The following NOX4 variants were observed in gnomAD, a reference collection of about 807,000 sequenced individuals.
NOX4 encodes the protein NADPH oxidase 4.
Under a neutral mutation model 87.6 loss-of-function variants are expected in NOX4, and 69 were observed. That is an observed-to-expected ratio of 0.79 (90% CI 0.65 to 0.96). The LOEUF (loss-of-function observed/expected upper bound fraction) is 0.96, where lower values mean the gene tolerates loss of function less well. Ranked by LOEUF, NOX4 falls within the 40% of genes least tolerant of loss-of-function variation. The pLI is 0.00. For synonymous variants in NOX4, 275 were observed against 238.2 expected (o/e 1.15, Z -1.42); for missense variants, 680 against 681.5 (o/e 1.00, Z 0.02).
chr11:89,474,111 G>A (rs1946065677), intron 2 of NOX4, among the ~76,000 whole-genome samples: 1 of 152,056 alleles, frequency 6.6e-6, no homozygotes, highest in African/African-American at 2.4e-5. Context: ...ATTAATTGCG[G>A]TTTTTACTTT....
At chr11:89,342,381 T>C (rs912800034) in intron 13 of NOX4, among the ~76,000 whole-genome samples, 188 bp from the exon 14 acceptor site, 1 of 152,174 alleles carries the variant, frequency 6.6e-6, no homozygotes, top group Non-Finnish European at 1.5e-5. Flanking sequence ...AAGATTAAAA[T>C]AAATACGTCT....
At chr11:89,351,189 G>A (rs1278276020) in intron 13 of NOX4, among the ~76,000 whole-genome samples, 5 of 152,194 alleles carry the variant, frequency 3.3e-5, no homozygotes, top group Admixed American at 6.5e-5. Flanking sequence ...GATTAAACCA[G>A]CCACAACACA....
intron 12 of NOX4, 144 bp downstream of exon 12, chr11:89,373,288 A>AC: frequency 1.0e-5 from 5 of 489,244 alleles, no homozygotes; most frequent in East Asian, 6.5e-5. Context: ...AAAAAAAAAA[A>AC]AAAAAAAAAA....
chr11:89,370,901 G>C (rs1166530811), intron 12 of NOX4, among the ~76,000 whole-genome samples: 1 of 151,894 alleles, frequency 6.6e-6, no homozygotes, highest in Non-Finnish European at 1.5e-5. Flanking sequence ...GATCATTTCT[G>C]GAGCTATTTT....
At chr11:89,490,686 T>C in intron 1 of NOX4, 133 bp from the exon 2 acceptor site, 1 of 735,012 alleles carries the variant, frequency 1.4e-6, no homozygotes, top group Non-Finnish European at 2.4e-6. Context: ...AGAAAGCATT[T>C]TCAATTAACC....
intron 2 of NOX4, among the ~76,000 whole-genome samples, chr11:89,486,083 G>A (rs554402668): frequency 9.2e-5 from 14 of 151,618 alleles, no homozygotes; most frequent in South Asian, 8.3e-4. Context: ...CTATCAATTC[G>A]TATGTATTTT....
intron 8 of NOX4, among the ~76,000 whole-genome samples, chr11:89,421,523 A>G (rs1943082911): frequency 6.6e-6 from 1 of 152,112 alleles, no homozygotes; most frequent in South Asian, 2.1e-4. Flanking sequence ...TGGAAATTCC[A>G]TTATTATAAA....
At chr11:89,486,452 C>T (rs151010661) in intron 2 of NOX4, among the ~76,000 whole-genome samples, 1,939 of 145,360 alleles carry the variant, frequency 0.013, 24 homozygotes, top group Admixed American at 0.021. Flanking sequence ...TGCCACCACG[C>T]CCAGCTAATA....
intron 2 of NOX4, among the ~76,000 whole-genome samples, chr11:89,474,845 G>A (rs1282476748): frequency 6.6e-6 from 1 of 151,796 alleles, no homozygotes. Flanking sequence ...GGATAAATAA[G>A]CCGTACAAAG....
chr11:89,438,869 A>ATATAT (rs1944296316), intron 6 of NOX4, among the ~76,000 whole-genome samples: 1 of 46,336 alleles, frequency 2.2e-5, no homozygotes, highest in Non-Finnish European at 3.0e-5. Flanking sequence ...TATATATTAT[A>ATATAT]TATATAATAT....
At chr11:89,422,503 A>G (rs1463315373) in intron 7 of NOX4, among the ~76,000 whole-genome samples, 1 of 152,202 alleles carries the variant, frequency 6.6e-6, no homozygotes, top group Non-Finnish European at 1.5e-5. Flanking sequence ...GGGGAGGACA[A>G]AGACACTGAA....
chr11:89,387,357 A>AC (rs1940786457), intron 11 of NOX4, among the ~76,000 whole-genome samples: 1 of 151,452 alleles, frequency 6.6e-6, no homozygotes, highest in Non-Finnish European at 1.5e-5. Context: ...GCACCTTGTG[A>AC]CCCCCATCCC....
At chr11:89,423,941 T>C (rs898996051) in intron 7 of NOX4, among the ~76,000 whole-genome samples, 1 of 151,934 alleles carries the variant, frequency 6.6e-6, no homozygotes, top group Non-Finnish European at 1.5e-5. Context: ...GTGGTGTGTG[T>C]TCGTGATCCT....
At chr11:89,422,521 A>G (rs16913226) in intron 7 of NOX4, among the ~76,000 whole-genome samples, 5,459 of 152,278 alleles carry the variant, frequency 0.036, 321 homozygotes, top group African/African-American at 0.12. Flanking sequence ...GAAAAGACAG[A>G]GAATGATAAG....
chr11:89,395,229 T>G (rs972669974), intron 11 of NOX4, among the ~76,000 whole-genome samples: 2 of 152,210 alleles, frequency 1.3e-5, no homozygotes, highest in African/African-American at 4.8e-5. Flanking sequence ...ATTGTGGTTT[T>G]GATTTGCATT....
the NOX4 span, among the ~76,000 whole-genome samples, chr11:89,564,758 T>C: frequency 6.6e-6 from 1 of 151,738 alleles, no homozygotes; most frequent in Non-Finnish European, 1.5e-5. Context: ...TTTTTTGTTT[T>C]TTTTTTAATA....
intron 7 of NOX4, among the ~76,000 whole-genome samples, chr11:89,427,732 A>G (rs932583276): frequency 1.3e-5 from 2 of 152,146 alleles, no homozygotes; most frequent in African/African-American, 4.8e-5. Context: ...GAAGACCAAA[A>G]CTACGTCTGA....
chr11:89,438,793 T>C (rs1591253699), intron 6 of NOX4, among the ~76,000 whole-genome samples: 2 of 36,552 alleles, frequency 5.5e-5, no homozygotes, highest in African/African-American at 4.4e-4. Context: ...ATATATAGTG[T>C]ATAATATATT....
chr11:89,545,097 C>A, the NOX4 span: 1 of 152,094 alleles, frequency 6.6e-6, no homozygotes, highest in Non-Finnish European at 1.5e-5. Context: ...AGAAGGAAAC[C>A]AAAATAGCTT....
Sources: gnomAD v4.1 joint callset for allele counts (sites outside exome capture counted in the v4.1 genomes callset) on GRCh38, gnomAD v4.1.1 for gene constraint, MANE v1.5 for transcripts, NCBI Gene and HGNC (gene_info 2026-07-23, HGNC 2026-07-21) for gene names.